The following ATP6V0E1 variants were observed in gnomAD, a reference collection of about 807,000 sequenced individuals.
The protein encoded by ATP6V0E1 is V-type proton ATPase subunit e 1.
A neutral mutation model predicts 11.6 loss-of-function variants in ATP6V0E1; 4 were observed. The ratio of observed to expected loss-of-function variants is 0.35; its 90% confidence interval spans 0.17 to 0.79. The LOEUF (loss-of-function observed/expected upper bound fraction) is 0.79. Ranked by LOEUF, ATP6V0E1 falls within the 30% of genes least tolerant of loss-of-function variation. The probability of loss-of-function intolerance (pLI) is 0.54; values close to 1 mark genes in which losing one functional copy is unlikely to be tolerated. For synonymous variants in ATP6V0E1, 36 were observed against 34.8 expected (o/e 1.04, Z -0.13); for missense variants, 105 against 100.0 (o/e 1.05, Z -0.21).
intron 3 of ATP6V0E1, among the ~76,000 whole-genome samples, chr5:173,023,331 C>A (rs1286551596): frequency 6.6e-6 from 1 of 152,160 alleles, no homozygotes; most frequent in African/African-American, 2.4e-5. Flanking sequence ...GTAGCTGGGA[C>A]TACAGGTGTG....
chr5:172,996,952 CT>C (rs56185500), intron 2 of ATP6V0E1, among the ~76,000 whole-genome samples: 7 of 145,360 alleles, frequency 4.8e-5, no homozygotes, highest in African/African-American at 1.0e-4. Context: ...GGAATTTTTT[CT>C]TTTTTTTTTT....
At position 172,996,363 on chromosome 5, in the gene ATP6V0E1, G is replaced by A. The variant is rs141983395; in HGVS notation, c.152+1541G>A. Among the ~76,000 whole-genome samples the A allele has an allele frequency of 9.5e-4, 145 of 152,050 alleles. 1 individual carries two copies. Among genetic ancestry groups the A allele is most frequent in the African/African-American group, 3.4e-3 (142 of 41,484 alleles). The stretch of plus-strand genomic sequence containing the variant: ...TCACCAGGTCAGGATATTGAGACCA[G>A]CCTGGCCAACATGGTGAAACCCATT... On this transcript the variant is annotated intron_variant, in intron 2 of 3. Transcript: ENST00000519374.
At chr5:173,004,520 G>A (rs1756201209) in intron 2 of ATP6V0E1, among the ~76,000 whole-genome samples, 1 of 152,122 alleles carries the variant, frequency 6.6e-6, no homozygotes. Context: ...GAACACAGTG[G>A]AAGGATTTGG....
At chr5:173,028,761 A>C (rs1561777635) in intron 3 of ATP6V0E1, among the ~76,000 whole-genome samples, 1 of 152,176 alleles carries the variant, frequency 6.6e-6, no homozygotes, top group East Asian at 1.9e-4. Context: ...AGCAGTGCTC[A>C]CTCCATCCTT....
At chr5:173,017,843 A>G (rs80262183) in intron 2 of ATP6V0E1, among the ~76,000 whole-genome samples, 3 of 146,854 alleles carry the variant, frequency 2.0e-5, no homozygotes, top group Non-Finnish European at 4.5e-5. Context: ...TCCTTCTCAA[A>G]AAAAAAAAAA....
intron 3 of ATP6V0E1, among the ~76,000 whole-genome samples, chr5:173,031,037 C>A (rs545574438): frequency 6.6e-6 from 1 of 151,894 alleles, no homozygotes; most frequent in Non-Finnish European, 1.5e-5. Context: ...CTCTGCCTCC[C>A]GGGTTCATGC....
intron 3 of ATP6V0E1, among the ~76,000 whole-genome samples, chr5:173,022,763 G>C (rs1420083593): frequency 6.6e-6 from 1 of 152,208 alleles, no homozygotes; most frequent in Non-Finnish European, 1.5e-5. Context: ...CTCCTGAGTA[G>C]CTGGGACTAC....
intron 3 of ATP6V0E1, among the ~76,000 whole-genome samples, chr5:173,033,318 G>A (rs975167512): frequency 9.2e-5 from 14 of 151,986 alleles, no homozygotes; most frequent in African/African-American, 2.4e-4. Flanking sequence ...CCGCCTTGGC[G>A]TCCCAAAGTG....
chr5:173,030,029 A>T (rs560934105), intron 3 of ATP6V0E1, among the ~76,000 whole-genome samples: 1 of 152,312 alleles, frequency 6.6e-6, no homozygotes, highest in East Asian at 1.9e-4. Context: ...TCCCGTGAAA[A>T]TTCCTTCTGC....
chr5:173,002,429 G>T (rs1756171899), intron 2 of ATP6V0E1, among the ~76,000 whole-genome samples: 1 of 152,000 alleles, frequency 6.6e-6, no homozygotes, highest in African/African-American at 2.4e-5. Context: ...AGAAAAACTG[G>T]GTTGTTTGCC....
At chr5:172,991,679 G>T (rs982430087) in intron 1 of ATP6V0E1, among the ~76,000 whole-genome samples, 2 of 152,098 alleles carry the variant, frequency 1.3e-5, no homozygotes, top group African/African-American at 2.4e-5. Context: ...TTTTTATTGT[G>T]CAACTGTCAG....
chr5:173,008,910 C>CAAAAAAA (rs1164495740), intron 2 of ATP6V0E1, among the ~76,000 whole-genome samples: 1 of 41,338 alleles, frequency 2.4e-5, no homozygotes, highest in African/African-American at 9.7e-5. Context: ...GACTCTGTCT[C>CAAAAAAA]AAAAAAAAAA....
At chr5:173,001,080 A>G (rs572402760) in intron 2 of ATP6V0E1, among the ~76,000 whole-genome samples, 3 of 152,354 alleles carry the variant, frequency 2.0e-5, no homozygotes, top group South Asian at 4.1e-4. Flanking sequence ...CAGGGCTGGT[A>G]TAGTGAATAT....
intron 3 of ATP6V0E1, among the ~76,000 whole-genome samples, chr5:173,027,323 T>TAAAAA (rs747815879): frequency 3.8e-5 from 4 of 104,352 alleles, no homozygotes; most frequent in African/African-American, 1.4e-4. Flanking sequence ...CTGTCTCTAC[T>TAAAAA]AAAAAAAAAA....
intron 3 of ATP6V0E1, among the ~76,000 whole-genome samples, chr5:173,025,090 C>T (rs1463322807): frequency 6.7e-6 from 1 of 149,844 alleles, no homozygotes; most frequent in East Asian, 2.0e-4. Context: ...ATCCACCCAC[C>T]TCAGCCTCCC....
At chr5:173,023,692 A>G (rs1467373831) in intron 3 of ATP6V0E1, among the ~76,000 whole-genome samples, 4 of 152,188 alleles carry the variant, frequency 2.6e-5, no homozygotes, top group Non-Finnish European at 5.9e-5. Context: ...AAAAAATACA[A>G]AAATTAGCCA....
chr5:173,021,123 A>G (rs1012526709), intron 3 of ATP6V0E1, among the ~76,000 whole-genome samples: 15 of 152,042 alleles, frequency 9.9e-5, no homozygotes, highest in Admixed American at 4.6e-4. Flanking sequence ...TTATGGCAGA[A>G]AGCAAAAGGG....
chr5:173,026,990 C>T (rs1304374750), intron 3 of ATP6V0E1, among the ~76,000 whole-genome samples: 1 of 150,288 alleles, frequency 6.7e-6, no homozygotes, highest in Non-Finnish European at 1.5e-5. Flanking sequence ...TCCTGGCTAA[C>T]GCAGTGAAAC....
chr5:172,983,986 T>C, intron 1 of ATP6V0E1, 22 bp downstream of exon 1: 1 of 1,607,054 alleles, frequency 6.2e-7, no homozygotes, highest in Non-Finnish European at 8.5e-7. Flanking sequence ...AGGCCCGCCT[T>C]GGGAGGAACG....
Sources: allele counts gnomAD v4.1 joint callset (sites outside exome capture counted in the v4.1 genomes callset), GRCh38; gene constraint gnomAD v4.1.1; transcripts MANE v1.5; gene names NCBI Gene and HGNC (gene_info 2026-07-23, HGNC 2026-07-21).